EIF3H: variants seen among roughly 807,000 people sequenced by gnomAD.
EIF3H encodes eukaryotic translation initiation factor 3 subunit H.
A neutral mutation model predicts 44.2 loss-of-function variants in EIF3H; 26 were observed. The observed-to-expected ratio is 0.59, with a 90% CI of 0.43 to 0.82. The LOEUF (loss-of-function observed/expected upper bound fraction) is 0.82, where lower values mean the gene tolerates loss of function less well. Ranked by LOEUF, EIF3H falls within the 40% of genes least tolerant of loss-of-function variation. The pLI is 0.00. For synonymous variants in EIF3H, 166 were observed against 151.9 expected (o/e 1.09, Z -0.68); for missense variants, 359 against 432.8 (o/e 0.83, Z 1.51).
chr8:116,666,594 G>A (rs1344375143), intron 2 of EIF3H, among the ~76,000 whole-genome samples: 1 of 151,868 alleles, frequency 6.6e-6, no homozygotes, highest in Non-Finnish European at 1.5e-5. Flanking sequence ...TTAATTCTAT[G>A]TCATTTGAGA....
chr8:116,648,879 T>G lies in EIF3H; in HGVS notation c.755A>C (p.Glu252Ala), dbSNP rs1033653375. Residue 252 changes from glutamate (E) to alanine (A), a missense_variant, in exon 6 of 8, where the codon GAA becomes GCA. Glu to Ala is a moderately radical substitution (Grantham distance 107). Coordinates refer to ENST00000521861, the MANE Select transcript of EIF3H (RefSeq NM_003756.3). ...GTATTTAACTATATCTTGGCTCATT[T>G]CATCCACTCTGTCCATCAGCAACTG... ...NLQLLMDRVDEMSQDIVKYNT... is the reference protein window; with the variant it reads ...NLQLLMDRVDAMSQDIVKYNT... The G allele has an allele frequency of 6.2e-7, 1 of 1,612,578 alleles. No homozygotes were observed.
chr8:116,725,238 T>A (rs977654793), intron 2 of EIF3H, among the ~76,000 whole-genome samples: 2 of 152,190 alleles, frequency 1.3e-5, no homozygotes, highest in Non-Finnish European at 2.9e-5. Flanking sequence ...GTCAGACTCT[T>A]GGAAACACAA....
intron 1 of EIF3H, among the ~76,000 whole-genome samples, chr8:116,741,085 TTC>T (rs1815124554): frequency 1.3e-5 from 2 of 152,344 alleles, no homozygotes; most frequent in East Asian, 1.9e-4. Flanking sequence ...CAAGTCTGAT[TTC>T]TTTTTTAATT....
intron 2 of EIF3H, among the ~76,000 whole-genome samples, chr8:116,663,797 G>C (rs949985940): frequency 6.6e-6 from 1 of 152,000 alleles, no homozygotes; most frequent in Non-Finnish European, 1.5e-5. Context: ...CAGGCGTGGT[G>C]GCAGGCGCCT....
intron 1 of EIF3H, chr8:116,737,294 A>G (rs1815058278): frequency 2.3e-6 from 1 of 428,482 alleles, no homozygotes; most frequent in Non-Finnish European, 4.5e-6. Context: ...TTCCCTGGGG[A>G]AGAAAAAAAA....
chr8:116,673,838 G>A (rs1410636833), intron 2 of EIF3H, among the ~76,000 whole-genome samples: 2 of 151,954 alleles, frequency 1.3e-5, no homozygotes, highest in African/African-American at 4.8e-5. Context: ...TTGGCAGGCC[G>A]AAGCGGGCGG....
chr8:116,681,470 C>A (rs1018335360), intron 2 of EIF3H, among the ~76,000 whole-genome samples: 1 of 151,942 alleles, frequency 6.6e-6, no homozygotes, highest in Non-Finnish European at 1.5e-5. Flanking sequence ...AGTTCAAGAC[C>A]AGCCTGACCA....
At chr8:116,759,147 G>A (rs1815489211), upstream of EIF3H, among the ~76,000 whole-genome samples, 1 of 152,166 alleles carries the variant, frequency 6.6e-6, no homozygotes, top group Non-Finnish European at 1.5e-5. Context: ...TTTATTGTAT[G>A]AAATAAATTT....
At chr8:116,687,137 A>G (rs1814091437) in intron 2 of EIF3H, among the ~76,000 whole-genome samples, 2 of 152,182 alleles carry the variant, frequency 1.3e-5, no homozygotes, top group Non-Finnish European at 2.9e-5. Flanking sequence ...CACTGCAGTA[A>G]TTCATGCACA....
intron 2 of EIF3H, among the ~76,000 whole-genome samples, chr8:116,661,520 A>G (rs1813586801): frequency 6.6e-6 from 1 of 152,180 alleles, no homozygotes; most frequent in Non-Finnish European, 1.5e-5. Flanking sequence ...TAATTTTCCC[A>G]TCTCCAAAGA....
chr8:116,718,989 T>A (rs769305633), intron 2 of EIF3H, among the ~76,000 whole-genome samples: 2 of 152,036 alleles, frequency 1.3e-5, no homozygotes, highest in East Asian at 3.9e-4. Context: ...CACAAAAGAA[T>A]AAAGAAAAAT....
At chr8:116,738,251 A>G (rs1373745861) in intron 1 of EIF3H, among the ~76,000 whole-genome samples, 1 of 152,196 alleles carries the variant, frequency 6.6e-6, no homozygotes, top group Non-Finnish European at 1.5e-5. Flanking sequence ...TTCTGACAGT[A>G]CTACTGAGTT....
chr8:116,677,548 T>C (rs1044173909), intron 2 of EIF3H, among the ~76,000 whole-genome samples: 2 of 152,250 alleles, frequency 1.3e-5, no homozygotes, highest in East Asian at 3.8e-4. Flanking sequence ...CATTCTCATA[T>C]ACTGAGAGCA....
At chr8:116,734,597 A>G (rs576921924) in intron 1 of EIF3H, among the ~76,000 whole-genome samples, 70 of 152,222 alleles carry the variant, frequency 4.6e-4, no homozygotes, top group Non-Finnish European at 7.4e-4. Flanking sequence ...GCTCTGTCAC[A>G]CAGGCTGGAG....
chr8:116,695,847 G>T (rs1488984482), intron 2 of EIF3H, among the ~76,000 whole-genome samples: 1 of 152,124 alleles, frequency 6.6e-6, no homozygotes, highest in Non-Finnish European at 1.5e-5. Context: ...AATGTATTAA[G>T]AATAATATGA....
chr8:116,723,596 TTG>T (rs1001777916), intron 2 of EIF3H, among the ~76,000 whole-genome samples: 2 of 152,226 alleles, frequency 1.3e-5, no homozygotes, highest in Non-Finnish European at 2.9e-5. Flanking sequence ...AGCATATACT[TTG>T]TGTTTATTAT....
chr8:116,740,972 CAATTACTAGT>C (rs1815122510), intron 1 of EIF3H, among the ~76,000 whole-genome samples: 1 of 152,216 alleles, frequency 6.6e-6, no homozygotes, highest in Admixed American at 6.5e-5. Context: ...ACCTAGCACA[CAATTACTAGT>C]AAGTCCTCAG....
chr8:116,663,102 C>T (rs1563635832), intron 2 of EIF3H, among the ~76,000 whole-genome samples: 1 of 152,152 alleles, frequency 6.6e-6, no homozygotes, highest in Non-Finnish European at 1.5e-5. Context: ...CTATGAGGTC[C>T]TGCTATTTGC....
chr8:116,698,823 T>G (rs1814317132), intron 2 of EIF3H, among the ~76,000 whole-genome samples: 1 of 152,110 alleles, frequency 6.6e-6, no homozygotes. Flanking sequence ...AATGGCTCAT[T>G]AGAGCAAGAA....
Sources: allele counts gnomAD v4.1 joint callset (sites outside exome capture counted in the v4.1 genomes callset), GRCh38; gene constraint gnomAD v4.1.1; transcripts MANE v1.5; gene names NCBI Gene and HGNC (gene_info 2026-07-23, HGNC 2026-07-21).